The following RHOH variants were observed in gnomAD, a reference collection of about 807,000 sequenced individuals.
The protein encoded by RHOH is rho-related GTP-binding protein RhoH.
Under a neutral mutation model 13.8 loss-of-function variants are expected in RHOH, and 6 were observed. The observed-to-expected ratio is 0.44, with a 90% CI of 0.24 to 0.86. The LOEUF is 0.86. Among genes scored for constraint, RHOH ranks in the 40% least tolerant of loss-of-function variants. The pLI is 0.24. For synonymous variants in RHOH, 117 were observed against 103.0 expected, an observed-to-expected ratio of 1.14 and a Z score of -0.82; for missense variants, 147 against 244.5, an observed-to-expected ratio of 0.60 and a Z score of 2.66.
At chr4:40,238,664 A>G (rs1728875135) in intron 1 of RHOH, among the ~76,000 whole-genome samples, 1 of 151,916 alleles carries the variant, frequency 6.6e-6, no homozygotes, top group African/African-American at 2.4e-5. Context: ...AATTATGGAG[A>G]CCCCGGAGGC....
intron 1 of RHOH, among the ~76,000 whole-genome samples, chr4:40,222,129 AG>A (rs1726658799): frequency 6.6e-6 from 1 of 152,246 alleles, no homozygotes; most frequent in Non-Finnish European, 1.5e-5. Context: ...TTGGTTCACT[AG>A]GTTTAAGGAA....
upstream of RHOH, chr4:40,193,564 AC>A (rs1722842190): frequency 1.3e-5 from 2 of 152,290 alleles, no homozygotes; most frequent in East Asian, 3.9e-4. Context: ...AGAGAGAAAC[AC>A]CAAAAAGACA....
chr4:40,238,311 C>T (rs1405635170), intron 1 of RHOH, among the ~76,000 whole-genome samples: 4 of 152,122 alleles, frequency 2.6e-5, no homozygotes, highest in Admixed American at 6.5e-5. Context: ...TCTTTCCAGC[C>T]AATAGGATGG....
chr4:40,211,743 CGTTA>C (rs1304382315), intron 1 of RHOH, among the ~76,000 whole-genome samples: 2 of 151,848 alleles, frequency 1.3e-5, no homozygotes, highest in Non-Finnish European at 2.9e-5. Flanking sequence ...CTGATAGTTC[CGTTA>C]GTTTGTTTGT....
At chr4:40,214,143 T>C (rs771362076) in intron 1 of RHOH, among the ~76,000 whole-genome samples, 2 of 152,338 alleles carry the variant, frequency 1.3e-5, no homozygotes, top group East Asian at 3.9e-4. Flanking sequence ...CTTAATCTCC[T>C]CCTTTGCTAT....
intron 1 of RHOH, among the ~76,000 whole-genome samples, chr4:40,241,140 G>T (rs1729200699): frequency 6.6e-6 from 1 of 152,206 alleles, no homozygotes; most frequent in Non-Finnish European, 1.5e-5. Context: ...AGCCTATGGA[G>T]CCCTCAAGGA....
chr4:40,241,700 G>T (rs911110393), intron 1 of RHOH, among the ~76,000 whole-genome samples: 2 of 151,990 alleles, frequency 1.3e-5, no homozygotes, highest in African/African-American at 4.8e-5. Flanking sequence ...ACCAGCCTGG[G>T]CAACATAGTG....
intron 1 of RHOH, among the ~76,000 whole-genome samples, chr4:40,220,952 T>G (rs780648388): frequency 2.0e-5 from 3 of 152,234 alleles, no homozygotes; most frequent in South Asian, 2.1e-4. Context: ...TTGCTATGTA[T>G]CTATAATATT....
intron 1 of RHOH, among the ~76,000 whole-genome samples, chr4:40,202,826 A>G (rs543834549): frequency 3.9e-5 from 6 of 152,310 alleles, no homozygotes; most frequent in Non-Finnish European, 7.3e-5. Flanking sequence ...AGAGACAAGG[A>G]GACGCTGATC....
At chr4:40,236,591 C>A (rs1246028909) in intron 1 of RHOH, among the ~76,000 whole-genome samples, 1 of 151,712 alleles carries the variant, frequency 6.6e-6, no homozygotes, top group African/African-American at 2.4e-5. Context: ...GAGATCGAGA[C>A]CATCCTGGCC....
At chr4:40,200,478 C>G (rs1560681145) in intron 1 of RHOH, 1 of 152,104 alleles carries the variant, frequency 6.6e-6, no homozygotes, top group East Asian at 1.9e-4. Flanking sequence ...AAAATACAAG[C>G]CCCAAAACAA....
At chr4:40,217,670 TCCTC>T in intron 1 of RHOH, among the ~76,000 whole-genome samples, 2 of 152,348 alleles carry the variant, frequency 1.3e-5, no homozygotes, top group Middle Eastern at 3.4e-3. Flanking sequence ...CATATTGTCT[TCCTC>T]CCACCTTATA....
Position 40,218,217 on chromosome 4 carries a change from C to T in RHOH, c.-331+20917C>T, listed in dbSNP as rs1254542194. 6.6e-6 allele frequency: 1 copy of T among 152,174 alleles called. No individual in the cohort carries two copies. Among genetic ancestry groups the T allele is most frequent in the Non-Finnish European group, 1.5e-5 (1 of 68,036 alleles). 9.4% of individuals were successfully genotyped at this position (152,174 alleles called of 1,614,324 possible). On this transcript the variant is annotated intron_variant, in intron 1 of 2. Transcript: ENST00000381799. The surrounding 1 kb of genome is among the most constrained non-coding windows in gnomAD (Gnocchi z 4.1). ...GACACTCACCTCTAGGCCTCTCAGC[C>T]TCCTTGGCCACGTGGTTGTTCTGCT...
Position 40,246,884 on chromosome 4 carries a change from T to C in RHOH, c.*2922T>C, listed in dbSNP as rs944435426. 6.6e-6 allele frequency: 1 copy of C among 152,252 alleles called. No individual in the cohort carries two copies. The allele number at this position is 152,252 out of a possible 1,614,324, so 9.4% of individuals were successfully genotyped here. A position where few individuals can be genotyped will look rare whatever the true frequency, so the allele number is the denominator to read the frequency against. ...TACTTCAAAATTTGTGGTACCTTTT[T>C]GTAGACTATTGCATATCGATTCTTA... On this transcript the variant is annotated 3_prime_UTR_variant, in exon 3 of 3. Coordinates refer to ENST00000381799, the MANE Select transcript of RHOH (RefSeq NM_004310.5).
In RHOH at chr4:40,243,291, G is replaced by A. The variant is rs1364885202; in HGVS notation, c.-96G>A. On this transcript the variant is annotated 5_prime_UTR_variant, in exon 3 of 3. Transcript: ENST00000381799. The surrounding 1 kb of genome is among the most constrained non-coding windows in gnomAD (Gnocchi z 6.2). The stretch of plus-strand genomic sequence containing the variant: ...CTGAGGACACAGACCTACCTGGCTT[G>A]CATTCCCCTTGCTGAATGGCGTGTG... 6 of 1,092,458 alleles carry A rather than the reference G, an allele frequency of 5.5e-6. No individual in the cohort carries two copies. Among genetic ancestry groups the A allele is most frequent in the Non-Finnish European group, 7.9e-6 (6 of 758,366 alleles). 67.7% of individuals were successfully genotyped at this position (1,092,458 alleles called of 1,614,324 possible).
chr4:40,199,473 T>C (rs1723680784), intron 1 of RHOH, among the ~76,000 whole-genome samples: 1 of 152,110 alleles, frequency 6.6e-6, no homozygotes, highest in Admixed American at 6.5e-5. Flanking sequence ...AGAATACATA[T>C]GAAAGAAGGA....
intron 1 of RHOH, among the ~76,000 whole-genome samples, chr4:40,212,188 C>A (rs1050513938): frequency 3.3e-5 from 5 of 152,176 alleles, no homozygotes; most frequent in African/African-American, 1.2e-4. Flanking sequence ...CAAATCCTTC[C>A]TTAACATCTT....
At chr4:40,221,689 A>T (rs1202059600) in intron 1 of RHOH, among the ~76,000 whole-genome samples, 1 of 152,150 alleles carries the variant, frequency 6.6e-6, no homozygotes, top group East Asian at 1.9e-4. Flanking sequence ...ATTCTCTGAG[A>T]CACAATGATA....
Position 40,228,971 on chromosome 4 carries a change from G to A in RHOH, c.-330-13743G>A, listed in dbSNP as rs972637906. On this transcript the variant is annotated intron_variant, in intron 1 of 2. Transcript: ENST00000381799. ...GCCGAGGGAAGTTAGTGAAGGTAAC[G>A]ATACCAGTTAGAAAGTTGAGTTTGG... Among the ~76,000 whole-genome samples, 13 of 152,210 alleles carry A rather than the reference G, an allele frequency of 8.5e-5. No individual in the cohort carries two copies. In the East Asian group the frequency reaches 1.7e-3, roughly 20 times the overall value.
Sources: allele counts gnomAD v4.1 joint callset (sites outside exome capture counted in the v4.1 genomes callset), GRCh38; gene constraint gnomAD v4.1.1; non-coding constraint Gnocchi (gnomAD v3.1); transcripts MANE v1.5; gene names NCBI Gene and HGNC (gene_info 2026-07-23, HGNC 2026-07-21).